The following EVI5 variants were observed in gnomAD, a reference collection of about 807,000 sequenced individuals.
The protein encoded by EVI5 is ecotropic viral integration site 5.
A neutral mutation model predicts 112.0 loss-of-function variants in EVI5; 73 were observed. That is an observed-to-expected ratio of 0.65 (90% CI 0.54 to 0.79). EVI5 has a LOEUF of 0.79. EVI5 is among the 30% of genes least tolerant of loss of function. EVI5 has a pLI of 0.00. For synonymous variants in EVI5, 305 were observed against 319.9 expected (o/e 0.95, Z 0.50); for missense variants, 900 against 968.8 (o/e 0.93, Z 0.94).
rs541078078 is a variant in EVI5 at position 92,737,893 on chromosome 1, A to T, written c.-81-1266T>A. Among the ~76,000 whole-genome samples, 88 of 152,324 alleles carry T rather than the reference A, an allele frequency of 5.8e-4. 1 individual carries two copies. The highest frequency in any genetic ancestry group is 2.0e-3 in the African/African-American group (84 of 41,572). On this transcript the variant is annotated intron_variant, in intron 1 of 19. Transcript: ENST00000684568. Reference sequence around the variant, plus strand: ...TAGGGGCAAGAGTTTTATTAAACTCAAGATGCCTCTCATTTTCTTTCCATT... The same window carrying T: ...TAGGGGCAAGAGTTTTATTAAACTCTAGATGCCTCTCATTTTCTTTCCATT...
At chr1:92,743,584 G>C (rs1277831611) in intron 1 of EVI5, among the ~76,000 whole-genome samples, 1 of 152,078 alleles carries the variant, frequency 6.6e-6, no homozygotes, top group Non-Finnish European at 1.5e-5. Context: ...AAAAATTATA[G>C]AGATGATGGT....
intron 18 of EVI5, among the ~76,000 whole-genome samples, chr1:92,576,674 T>C (rs1035304849): frequency 6.6e-6 from 1 of 152,166 alleles, no homozygotes; most frequent in African/African-American, 2.4e-5. Context: ...TACATACAAA[T>C]TTACCTGTAG....
chr1:92,745,589 G>A (rs552706993), intron 1 of EVI5, among the ~76,000 whole-genome samples: 1 of 152,114 alleles, frequency 6.6e-6, no homozygotes, highest in Non-Finnish European at 1.5e-5. Context: ...AGAGGCAGGA[G>A]GATCACTTGA....
chr1:92,748,976 G>A (rs572714076), intron 1 of EVI5, among the ~76,000 whole-genome samples: 60 of 148,164 alleles, frequency 4.0e-4, no homozygotes, highest in African/African-American at 1.3e-3. Flanking sequence ...TGAGGCAGGA[G>A]AATCACTTGA....
chr1:92,643,876 G>A (rs1660461289), intron 13 of EVI5, among the ~76,000 whole-genome samples: 1 of 151,892 alleles, frequency 6.6e-6, no homozygotes, highest in Admixed American at 6.6e-5. Flanking sequence ...TAACATGAAA[G>A]AGTTCATAGT....
chr1:92,671,351 T>C (rs1665851643), intron 10 of EVI5, among the ~76,000 whole-genome samples: 1 of 152,186 alleles, frequency 6.6e-6, no homozygotes, highest in African/African-American at 2.4e-5. Context: ...TCTCCTAGTT[T>C]GCTACTTTCT....
intron 19 of EVI5, among the ~76,000 whole-genome samples, chr1:92,518,716 G>A (rs770376836): frequency 4.6e-5 from 7 of 151,654 alleles, no homozygotes; most frequent in African/African-American, 1.2e-4. Context: ...TGAGCTTCGA[G>A]ACTGAAAAGG....
intron 19 of EVI5, among the ~76,000 whole-genome samples, chr1:92,527,566 A>C (rs1223142101): frequency 6.6e-6 from 1 of 152,226 alleles, no homozygotes; most frequent in Middle Eastern, 3.2e-3. Context: ...CATAGTCATG[A>C]AATTATCACC....
chr1:92,653,428 C>T (rs913108814), intron 13 of EVI5, among the ~76,000 whole-genome samples: 3 of 152,228 alleles, frequency 2.0e-5, no homozygotes, highest in Non-Finnish European at 2.9e-5. Context: ...GCACTGCCTC[C>T]AGCAAAGATG....
intron 18 of EVI5, among the ~76,000 whole-genome samples, chr1:92,599,524 C>CTA (rs1648670092): frequency 6.6e-6 from 1 of 151,922 alleles, no homozygotes. Flanking sequence ...AAATATACCT[C>CTA]TATATATCTA....
intron 1 of EVI5, among the ~76,000 whole-genome samples, chr1:92,774,672 C>G (rs1036440662): frequency 6.6e-6 from 1 of 152,126 alleles, no homozygotes; most frequent in Non-Finnish European, 1.5e-5. Context: ...AAAACAACAA[C>G]AAAAACCCAG....
intron 2 of EVI5, among the ~76,000 whole-genome samples, chr1:92,727,571 TA>T (rs1193952837): frequency 3.9e-5 from 6 of 152,198 alleles, no homozygotes; most frequent in African/African-American, 1.4e-4. Flanking sequence ...GTATCCAACC[TA>T]CTAATTGAGA....
intron 13 of EVI5, among the ~76,000 whole-genome samples, chr1:92,648,163 G>A (rs111805004): frequency 0.19 from 26,763 of 138,764 alleles, 3,138 homozygotes; most frequent in Non-Finnish European, 0.25. Flanking sequence ...TGGCTAACAC[G>A]GTGAAACCCC....
chr1:92,711,624 T>C (rs1375575261), intron 2 of EVI5, among the ~76,000 whole-genome samples: 2 of 152,078 alleles, frequency 1.3e-5, no homozygotes, highest in Admixed American at 6.6e-5. Flanking sequence ...GACTGCACTC[T>C]AGCCTACGTG....
intron 18 of EVI5, among the ~76,000 whole-genome samples, chr1:92,585,137 T>C (rs1011173669): frequency 3.3e-5 from 5 of 151,612 alleles, no homozygotes; most frequent in Admixed American, 1.3e-4. Context: ...GGCAGGAGAA[T>C]TGCTTGAACC....
intron 1 of EVI5, among the ~76,000 whole-genome samples, chr1:92,744,327 T>C (rs1046150312): frequency 1.3e-5 from 2 of 152,190 alleles, no homozygotes; most frequent in African/African-American, 4.8e-5. Flanking sequence ...TAAATCCAGT[T>C]GATAAATGGT....
chr1:92,589,858 C>T (rs755268482), intron 18 of EVI5, among the ~76,000 whole-genome samples: 2 of 151,948 alleles, frequency 1.3e-5, no homozygotes, highest in African/African-American at 2.4e-5. Context: ...AACTGAGAGG[C>T]ACCCCCCCGT....
intron 13 of EVI5, among the ~76,000 whole-genome samples, chr1:92,644,224 C>A (rs1557982773): frequency 6.6e-6 from 1 of 152,142 alleles, no homozygotes; most frequent in Admixed American, 6.5e-5. Context: ...ATATCATGTG[C>A]CTTCCTGATT....
intron 18 of EVI5, among the ~76,000 whole-genome samples, chr1:92,569,810 C>A (rs1299574132): frequency 7.2e-6 from 1 of 138,922 alleles, no homozygotes; most frequent in Non-Finnish European, 1.5e-5. Flanking sequence ...GCCGAGATTG[C>A]GCCACTGCAC....
Sources: allele counts gnomAD v4.1 joint callset (sites outside exome capture counted in the v4.1 genomes callset), GRCh38; gene constraint gnomAD v4.1.1; transcripts MANE v1.5; gene names NCBI Gene and HGNC (gene_info 2026-07-23, HGNC 2026-07-21).